Variants in ACTN1 observed in about 807,000 individuals in gnomAD.
ACTN1 encodes the protein alpha-actinin-1.
In ACTN1, 30 loss-of-function variants were observed where a neutral mutation model predicts 119.6. The observed-to-expected ratio is 0.25, with a 90% CI of 0.19 to 0.34. The LOEUF (loss-of-function observed/expected upper bound fraction) is 0.34. Among genes scored for constraint, ACTN1 ranks in the 10% least tolerant of loss-of-function variants. The pLI is 1.00. For synonymous variants in ACTN1, 429 were observed against 472.6 expected (o/e 0.91, Z 1.20); for missense variants, 764 against 1,223.4 (o/e 0.62, Z 5.60).
intron 8 of ACTN1, among the ~76,000 whole-genome samples, chr14:68,898,235 C>T (rs1039758996): frequency 2.0e-5 from 3 of 152,336 alleles, no homozygotes; most frequent in East Asian, 1.9e-4. Context: ...ACACAAGCTA[C>T]ATAAACAAAA....
intron 1 of ACTN1, among the ~76,000 whole-genome samples, chr14:68,946,551 C>T (rs1026574469): frequency 1.3e-5 from 2 of 152,214 alleles, no homozygotes; most frequent in African/African-American, 4.8e-5. Flanking sequence ...CCACCAGCAG[C>T]CCTGAGGAGG....
Position 68,921,102 on chromosome 14 carries a change from G to A in ACTN1, c.244C>T (p.Arg82Ter), listed in dbSNP as rs149484448. The A allele has an allele frequency of 1.2e-6, 2 of 1,614,002 alleles. No homozygotes were observed. Among genetic ancestry groups the A allele is most frequent in the East Asian group, 2.2e-5 (1 of 44,890 alleles). Residue 82 changes from arginine to a stop codon, truncating the protein, a stop_gained, in exon 3 of 22, where the codon CGA (arginine) becomes TGA (stop). Coordinates refer to ENST00000394419, the MANE Select transcript of ACTN1 (RefSeq NM_001130004.2). LOFTEE classifies it high-confidence loss of function. Reference protein sequence around the residue: ...ISGERLAKPERGKMRVHKISN... With the variant: ...ISGERLAKPE ...ATCTTGTGCACTCTCATCTTGCCTC[G>A]CTCTGGCTTGGCCAAGCGTTCACCT...
intron 9 of ACTN1, 71 bp downstream of exon 9, chr14:68,893,584 G>T: frequency 1.4e-6 from 2 of 1,401,700 alleles, no homozygotes; most frequent in Non-Finnish European, 1.0e-6. Context: ...TCCAAGGAAA[G>T]ACTTGGAGGT....
rs1261792242 is a variant in ACTN1 at position 68,878,527 on chromosome 14, TG to T, written c.2362-5del. The T allele has an allele frequency of 1.2e-6, 2 of 1,607,778 alleles. No individual in the cohort carries two copies. The highest frequency in any genetic ancestry group is 1.7e-6 in the Non-Finnish European group (2 of 1,176,532). ...TGTCCATCATGCCTGTCTTCTTCTG[TG>T]GGGGGCAGTGGTACCAAGACACAAG... is the stretch of plus-strand genomic sequence containing the variant. On this transcript the variant is annotated splice_region_variant and splice_polypyrimidine_tract_variant and intron_variant, in intron 19 of 21. Coordinates refer to ENST00000394419, the MANE Select transcript of ACTN1 (RefSeq NM_001130004.2). This position sits in a 1 kb window ranked among gnomAD's most constrained non-coding sequence, Gnocchi z 4.4.
At chr14:68,957,898 T>C (rs1371629678) in intron 1 of ACTN1, among the ~76,000 whole-genome samples, 1 of 152,164 alleles carries the variant, frequency 6.6e-6, no homozygotes, top group Non-Finnish European at 1.5e-5. Context: ...TTCTCATTTA[T>C]GATCGCTCGC....
intron 10 of ACTN1, among the ~76,000 whole-genome samples, chr14:68,890,758 T>C (rs2032416651): frequency 6.6e-6 from 1 of 152,146 alleles, no homozygotes; most frequent in African/African-American, 2.4e-5. Context: ...CTCTGGGCAA[T>C]AACCTGGAGC....
At chr14:68,893,047 A>C (rs1282740506) in intron 9 of ACTN1, among the ~76,000 whole-genome samples, 1 of 152,178 alleles carries the variant, frequency 6.6e-6, no homozygotes, top group Non-Finnish European at 1.5e-5. Context: ...AAACCCAGGC[A>C]CTTGGGCTCC....
At chr14:68,942,401 G>A (rs572140473) in intron 1 of ACTN1, among the ~76,000 whole-genome samples, 1 of 152,226 alleles carries the variant, frequency 6.6e-6, no homozygotes, top group African/African-American at 2.4e-5. Context: ...ACTTCCTGCA[G>A]GGACTGAGGC....
At chr14:68,903,455 T>A (rs537624127) in intron 7 of ACTN1, among the ~76,000 whole-genome samples, 17 of 151,364 alleles carry the variant, frequency 1.1e-4, no homozygotes, top group Admixed American at 1.1e-3. Flanking sequence ...GAGAATCGCT[T>A]GAACCCAGGA....
intron 7 of ACTN1, among the ~76,000 whole-genome samples, chr14:68,902,969 G>A (rs1367887407): frequency 6.6e-6 from 1 of 152,034 alleles, no homozygotes; most frequent in African/African-American, 2.4e-5. Flanking sequence ...AGGTAATTAG[G>A]GAAATTTCAT....
At chr14:68,961,568 G>A (rs1471610075) in intron 1 of ACTN1, among the ~76,000 whole-genome samples, 2 of 152,180 alleles carry the variant, frequency 1.3e-5, no homozygotes, top group Non-Finnish European at 2.9e-5. Context: ...GCGGGGGCAC[G>A]GGGGTGGGCT....
Position 68,883,032 on chromosome 14 carries a change from C to T in ACTN1, c.1659G>A (p.Gln553=), listed in dbSNP as rs1167404402. The T allele has an allele frequency of 6.2e-7, 1 of 1,614,174 alleles. No individual in the cohort carries two copies. The highest frequency in any genetic ancestry group is 1.1e-5 in the South Asian group (1 of 91,088). The change falls in exon 15 of 22, where the codon CAG becomes CAA. Residue 553 remains glutamine, a synonymous_variant. Transcript: ENST00000394419. ...EIQGLTTAHE[Q]FKATLPDADK... Reference sequence around the variant, plus strand: ...CGGCATCAGGGAGGGTGGCCTTGAACTGCTCATGGGCTGTGGTCAGTCCCT... The same window carrying T: ...CGGCATCAGGGAGGGTGGCCTTGAATTGCTCATGGGCTGTGGTCAGTCCCT...
intron 21 of ACTN1, among the ~76,000 whole-genome samples, chr14:68,876,661 G>C (rs569485681): frequency 6.6e-6 from 1 of 152,140 alleles, no homozygotes; most frequent in Non-Finnish European, 1.5e-5. Context: ...TAGAAAACAC[G>C]AGAGACATGC....
At chr14:68,970,304 A>G (rs550947047) in intron 1 of ACTN1, among the ~76,000 whole-genome samples, 11 of 152,160 alleles carry the variant, frequency 7.2e-5, no homozygotes, top group Non-Finnish European at 1.2e-4. Context: ...CTTGGTGCTG[A>G]TCTCTGACCT....
chr14:68,977,308 C>T (rs2140725103), intron 1 of ACTN1: 1 of 152,446 alleles, frequency 6.6e-6, no homozygotes, highest in East Asian at 1.9e-4. Context: ...CCACCCACAG[C>T]ACCCATGGTC....
intron 2 of ACTN1, among the ~76,000 whole-genome samples, chr14:68,924,118 G>A (rs2034792018): frequency 6.6e-6 from 1 of 152,194 alleles, no homozygotes; most frequent in African/African-American, 2.4e-5. Context: ...AGGGCCGGGG[G>A]GAGCGGCGAG....
intron 1 of ACTN1, among the ~76,000 whole-genome samples, chr14:68,935,165 C>T (rs2035428630): frequency 6.6e-6 from 1 of 151,720 alleles, no homozygotes; most frequent in Non-Finnish European, 1.5e-5. Flanking sequence ...GCTGGGATTA[C>T]AGGCATGTGC....
At position 68,878,851 on chromosome 14, in the gene ACTN1, G is replaced by T. The variant is rs534057529; in HGVS notation, c.2361+138C>A. 8 of 1,596,070 alleles carry T rather than the reference G, an allele frequency of 5.0e-6. No individual in the cohort carries two copies. The East Asian group carries it at 1.6e-4, about 31-fold the overall frequency. On this transcript the variant is annotated intron_variant, in intron 19 of 21. Coordinates refer to ENST00000394419, the MANE Select transcript of ACTN1 (RefSeq NM_001130004.2). The surrounding 1 kb of genome is among the most constrained non-coding windows in gnomAD (Gnocchi z 4.4). ...GTGGACCAGTGATGGGGCAGACAGA[G>T]ACAGCAGGAGAGGACGAGCCCCATG...
In ACTN1 at chr14:68,979,201, C is replaced by A; in HGVS notation, c.-145G>T. 2.0e-6 allele frequency: 1 copy of A among 506,718 alleles called. No homozygotes were observed. Among genetic ancestry groups the A allele is most frequent in the Non-Finnish European group, 3.4e-6 (1 of 297,816 alleles). 31.4% of individuals were successfully genotyped at this position (506,718 alleles called of 1,614,324 possible). ...CGCTCCCCTGCGCCCGGTTCCGCCG[C>A]GGCGCTGCTGGCGAAGGCTGCTACT... On this transcript the variant is annotated 5_prime_UTR_variant, in exon 1 of 22. Coordinates refer to ENST00000394419, the MANE Select transcript of ACTN1 (RefSeq NM_001130004.2).
Sources: gnomAD v4.1 joint callset for allele counts (sites outside exome capture counted in the v4.1 genomes callset) on GRCh38, gnomAD v4.1.1 for gene constraint, Gnocchi (gnomAD v3.1) non-coding constraint, MANE v1.5 for transcripts, NCBI Gene and HGNC (gene_info 2026-07-23, HGNC 2026-07-21) for gene names.